LDLRAD4: variants seen among roughly 807,000 people sequenced by gnomAD.
The protein encoded by LDLRAD4 is low-density lipoprotein receptor class A domain-containing protein 4.
Under a neutral mutation model 17.0 loss-of-function variants are expected in LDLRAD4, and 5 were observed. That is an observed-to-expected ratio of 0.29 (90% CI 0.15 to 0.62). LDLRAD4 has a LOEUF of 0.62. Among genes scored for constraint, LDLRAD4 ranks in the 20% least tolerant of loss-of-function variants. The pLI, the probability that LDLRAD4 is intolerant of heterozygous loss-of-function variation, is 0.84. For synonymous variants in LDLRAD4, 168 were observed against 171.8 expected (o/e 0.98, Z 0.17); for missense variants, 340 against 424.7 (o/e 0.80, Z 1.75).
intron 1 of LDLRAD4, among the ~76,000 whole-genome samples, chr18:13,305,012 A>AT (rs2046827300): frequency 6.6e-6 from 1 of 152,014 alleles, no homozygotes. Context: ...TTGTATACAG[A>AT]TTTTTTTCAA....
intron 1 of LDLRAD4, among the ~76,000 whole-genome samples, chr18:13,365,724 G>T (rs1181907376): frequency 6.6e-6 from 1 of 152,190 alleles, no homozygotes; most frequent in Non-Finnish European, 1.5e-5. Context: ...GGATTCCCTA[G>T]CTGAGTTTTA....
intron 1 of LDLRAD4, among the ~76,000 whole-genome samples, chr18:13,372,879 G>A (rs927312671): frequency 1.3e-5 from 2 of 152,210 alleles, no homozygotes; most frequent in Non-Finnish European, 2.9e-5. Context: ...AGCAGGGGCC[G>A]AGGCGGCATG....
chr18:13,248,059 C>T (rs995062583), intron 1 of LDLRAD4, among the ~76,000 whole-genome samples: 2 of 150,450 alleles, frequency 1.3e-5, no homozygotes, highest in Non-Finnish European at 2.9e-5. Flanking sequence ...CTCCCAGGAT[C>T]AAGCGATTCT....
intron 3 of LDLRAD4, among the ~76,000 whole-genome samples, chr18:13,551,772 G>A (rs2094437411): frequency 1.3e-5 from 2 of 152,270 alleles, no homozygotes; most frequent in East Asian, 3.9e-4. Flanking sequence ...GCAGGTGTTC[G>A]TTCTTTTTGC....
In LDLRAD4 at chr18:13,387,636, T is replaced by C. The variant is rs1250293952; in HGVS notation, c.-87T>C. On this transcript the variant is annotated 5_prime_UTR_variant, in exon 2 of 6. It removes the in-frame stop codon of an upstream open reading frame in the 5' UTR. Coordinates refer to ENST00000359446, the Ensembl canonical transcript of LDLRAD4. ...AGCAGAGCGATGGACTTGGACAGGC[T>C]AAGATGGAAGTGACCTGAGCCTCGC... 8.1e-7 allele frequency: 1 copy of C among 1,232,214 alleles called. No individual in the cohort carries two copies. Among genetic ancestry groups the C allele is most frequent in the Non-Finnish European group, 1.2e-6 (1 of 837,812 alleles). 76.3% of individuals were successfully genotyped at this position (1,232,214 alleles called of 1,614,324 possible).
intron 1 of LDLRAD4, among the ~76,000 whole-genome samples, chr18:13,266,627 A>G (rs2044233520): frequency 6.6e-6 from 1 of 152,278 alleles, no homozygotes; most frequent in African/African-American, 2.4e-5. Flanking sequence ...CTTAGGCAGA[A>G]GGCAGGCTGC....
chr18:13,432,495 G>C (rs1451768753), intron 2 of LDLRAD4, among the ~76,000 whole-genome samples: 1 of 152,202 alleles, frequency 6.6e-6, no homozygotes, highest in African/African-American at 2.4e-5. Context: ...AGTTTTAGAA[G>C]CAGGAGAGTG....
chr18:13,343,049 C>G (rs2082466441), intron 1 of LDLRAD4, among the ~76,000 whole-genome samples: 1 of 151,996 alleles, frequency 6.6e-6, no homozygotes, highest in South Asian at 2.1e-4. Context: ...TTGAGCATTA[C>G]ACATAATTTC....
At position 13,368,719 on chromosome 18, in the gene LDLRAD4, G is replaced by A. The variant is rs60273838; in HGVS notation, c.-382-18622G>A. Among the ~76,000 whole-genome samples the A allele has an allele frequency of 6.2e-3, 952 of 152,322 alleles. 15 individuals are homozygous for A. The highest frequency in any genetic ancestry group is 0.022 in the African/African-American group (906 of 41,572). On this transcript the variant is annotated intron_variant, in intron 1 of 5. Transcript: ENST00000359446. ...TTTGGGAGCATCTTCAGTTTTGGAG[G>A]ATGCTCATGGCCAAAGGCTCACCTG...
At chr18:13,417,690 T>C (rs1222486888) in intron 2 of LDLRAD4, among the ~76,000 whole-genome samples, 2 of 152,196 alleles carry the variant, frequency 1.3e-5, no homozygotes, top group Non-Finnish European at 2.9e-5. Context: ...CATCTCGGCC[T>C]CCCAAAGTGC....
intron 3 of LDLRAD4, among the ~76,000 whole-genome samples, chr18:13,461,708 G>A (rs1169116813): frequency 1.3e-5 from 2 of 152,138 alleles, no homozygotes; most frequent in East Asian, 1.9e-4. Context: ...ATTGGTTGCA[G>A]GAAGGGGCCA....
intron 1 of LDLRAD4, among the ~76,000 whole-genome samples, chr18:13,349,787 C>T (rs2082934318): frequency 6.6e-6 from 1 of 152,008 alleles, no homozygotes; most frequent in African/African-American, 2.4e-5. Context: ...TCGTCTCACC[C>T]CCCACCCCCC....
chr18:13,264,811 C>T (rs1278238095), intron 1 of LDLRAD4, among the ~76,000 whole-genome samples: 1 of 152,222 alleles, frequency 6.6e-6, no homozygotes, highest in Non-Finnish European at 1.5e-5. Context: ...CTGGAGAAAG[C>T]ATATGGGTGC....
intron 1 of LDLRAD4, among the ~76,000 whole-genome samples, chr18:13,264,965 G>A (rs1299725002): frequency 6.6e-6 from 1 of 152,154 alleles, no homozygotes; most frequent in African/African-American, 2.4e-5. Flanking sequence ...TTATATAAGA[G>A]CTCTCTCTTT....
intron 3 of LDLRAD4, among the ~76,000 whole-genome samples, chr18:13,575,034 C>A (rs2094749044): frequency 6.6e-6 from 1 of 152,194 alleles, no homozygotes; most frequent in Non-Finnish European, 1.5e-5. Flanking sequence ...ACCTAAAAAA[C>A]CTTCCAGAAA....
chr18:13,537,200 T>C (rs1272592338), intron 3 of LDLRAD4, among the ~76,000 whole-genome samples: 1 of 152,208 alleles, frequency 6.6e-6, no homozygotes, highest in Non-Finnish European at 1.5e-5. Flanking sequence ...AAGGTGGTAT[T>C]ATTTCCTTTT....
chr18:13,286,859 G>A (rs756823726), intron 1 of LDLRAD4, among the ~76,000 whole-genome samples: 3 of 152,188 alleles, frequency 2.0e-5, no homozygotes, highest in South Asian at 2.1e-4. Context: ...GGAGGGATCC[G>A]TGCGCCGATT....
At chr18:13,238,282 G>A (rs77043412) in intron 1 of LDLRAD4, among the ~76,000 whole-genome samples, 2,425 of 152,294 alleles carry the variant, frequency 0.016, 75 homozygotes, top group African/African-American at 0.055. Context: ...ATTGTAAAAC[G>A]AGAAGGAGCC....
intron 3 of LDLRAD4, among the ~76,000 whole-genome samples, chr18:13,480,893 T>C (rs969340833): frequency 6.6e-6 from 1 of 152,226 alleles, no homozygotes; most frequent in Non-Finnish European, 1.5e-5. Context: ...AAAACCCACG[T>C]CCTGGCTGTC....
Sources: allele counts gnomAD v4.1 joint callset (sites outside exome capture counted in the v4.1 genomes callset), GRCh38; gene constraint gnomAD v4.1.1; transcripts MANE v1.5; gene names NCBI Gene and HGNC (gene_info 2026-07-23, HGNC 2026-07-21).